The following PDGFC variants were observed in gnomAD, a reference collection of about 807,000 sequenced individuals.
PDGFC encodes platelet derived growth factor C, also known as platelet-derived growth factor C.
PDGFC carries 12 observed loss-of-function variants against 35.5 expected under a neutral mutation model. The observed-to-expected ratio is 0.34, with a 90% CI of 0.22 to 0.55. The LOEUF is 0.55. Among genes scored for constraint, PDGFC ranks in the 20% least tolerant of loss-of-function variants. The pLI is 0.91. For missense variants in PDGFC, 322 were observed against 412.4 expected (o/e 0.78, Z 1.90); for synonymous variants, 159 against 148.8 (o/e 1.07, Z -0.50).
At chr4:156,769,161 A>T (rs1730624467) in intron 4 of PDGFC, among the ~76,000 whole-genome samples, 1 of 151,794 alleles carries the variant, frequency 6.6e-6, no homozygotes, top group Admixed American at 6.6e-5. Flanking sequence ...CTACTTAAAT[A>T]CCTTTCCACT....
chr4:156,868,711 T>C (rs1413891978), intron 1 of PDGFC, among the ~76,000 whole-genome samples: 1 of 152,212 alleles, frequency 6.6e-6, no homozygotes, highest in Non-Finnish European at 1.5e-5. Flanking sequence ...GACCTTTTAA[T>C]GGCTATATTT....
At chr4:156,853,875 A>G (rs1328399148) in intron 1 of PDGFC, among the ~76,000 whole-genome samples, 3 of 152,152 alleles carry the variant, frequency 2.0e-5, no homozygotes, top group Non-Finnish European at 4.4e-5. Context: ...AAGTGGAAGG[A>G]TCGCTTAAGC....
At chr4:156,765,715 A>G (rs1578994909) in intron 5 of PDGFC, among the ~76,000 whole-genome samples, 1 of 152,220 alleles carries the variant, frequency 6.6e-6, no homozygotes, top group Non-Finnish European at 1.5e-5. Flanking sequence ...ATATTTTACT[A>G]TTGTCAGAGT....
intron 3 of PDGFC, among the ~76,000 whole-genome samples, chr4:156,783,049 A>G (rs943426051): frequency 6.6e-6 from 1 of 152,222 alleles, no homozygotes; most frequent in Non-Finnish European, 1.5e-5. Context: ...AGAAGAGATC[A>G]AAGTTAATCT....
At chr4:156,775,931 C>A (rs1730816305) in intron 3 of PDGFC, among the ~76,000 whole-genome samples, 1 of 152,140 alleles carries the variant, frequency 6.6e-6, no homozygotes, top group Non-Finnish European at 1.5e-5. Flanking sequence ...AACATAAGTT[C>A]CCAGGATTCA....
intron 1 of PDGFC, 44 bp downstream of exon 1, chr4:156,970,742 A>G: frequency 1.6e-6 from 2 of 1,225,500 alleles, no homozygotes; most frequent in Non-Finnish European, 2.4e-6. Context: ...ACGTTAACAC[A>G]CACAGCGAGA....
chr4:156,876,710 T>G (rs1248451684), intron 1 of PDGFC: 1 of 152,196 alleles, frequency 6.6e-6, no homozygotes, highest in African/African-American at 2.4e-5. Context: ...AGTCTCTTCT[T>G]CATAATATAG....
chr4:156,944,103 G>A (rs1049654645), intron 1 of PDGFC, among the ~76,000 whole-genome samples: 10 of 152,130 alleles, frequency 6.6e-5, no homozygotes, highest in African/African-American at 1.7e-4. Context: ...GCACTGTAAC[G>A]ATTAAAGGCA....
chr4:156,850,141 A>T, intron 2 of PDGFC, 80 bp downstream of exon 2: 1 of 696,892 alleles, frequency 1.4e-6, no homozygotes, highest in Non-Finnish European at 2.3e-6. Flanking sequence ...TGTCATTTAA[A>T]ATCAGATCAT....
rs917255748 is a variant in PDGFC, at chr4:156,971,446, C to G, written c.-543G>C. 5.2e-5 allele frequency: 18 copies of G among 344,042 alleles called. No homozygotes were observed. Among genetic ancestry groups the G allele is most frequent in the African/African-American group, 4.3e-5 (2 of 46,514 alleles). 21.3% of individuals were successfully genotyped at this position (344,042 alleles called of 1,614,324 possible). On this transcript the variant is annotated 5_prime_UTR_variant, in exon 1 of 6. Coordinates refer to ENST00000502773, the MANE Select transcript of PDGFC (RefSeq NM_016205.3). The stretch of plus-strand genomic sequence containing the variant: ...CCCCCGAAGGGGGAGGGGGAAGAAA[C>G]AAGGCGAGGGCGCCGCGGCGGGTCC...
chr4:156,915,476 C>G (rs1161590455), intron 1 of PDGFC, among the ~76,000 whole-genome samples: 2 of 152,212 alleles, frequency 1.3e-5, no homozygotes, highest in African/African-American at 4.8e-5. Flanking sequence ...AAGGAACCCA[C>G]TGAACTCTGT....
intron 1 of PDGFC, among the ~76,000 whole-genome samples, chr4:156,903,133 A>G (rs1387001060): frequency 9.1e-6 from 1 of 109,564 alleles, no homozygotes; most frequent in Non-Finnish European, 1.9e-5. Context: ...GTGTGTGTGT[A>G]TAAACTAGAT....
rs75083447 is a variant in PDGFC, at chr4:156,929,999, A to G, written c.118+40787T>C. On this transcript the variant is annotated intron_variant, in intron 1 of 5. Transcript: ENST00000502773. Reference sequence around the variant, plus strand: ...ATGTTACAACACCAAATGGGTTGCCATTCAATTCTGGATTTAAGCTAAATG... The same window carrying G: ...ATGTTACAACACCAAATGGGTTGCCGTTCAATTCTGGATTTAAGCTAAATG... 6.6e-3 allele frequency among the ~76,000 whole-genome samples: 1,010 copies of G among 152,314 alleles called. 17 individuals are homozygous for G. The highest frequency in any genetic ancestry group is 0.023 in the African/African-American group (966 of 41,576).
At chr4:156,892,182 CA>C (rs1047049157) in intron 1 of PDGFC, among the ~76,000 whole-genome samples, 1 of 152,094 alleles carries the variant, frequency 6.6e-6, no homozygotes, top group African/African-American at 2.4e-5. Flanking sequence ...CCTCATAAAA[CA>C]AATAAAAAGT....
chr4:156,859,757 T>C (rs10517655), intron 1 of PDGFC, among the ~76,000 whole-genome samples: 16,368 of 152,034 alleles, frequency 0.11, 1,177 homozygotes, highest in South Asian at 0.44. Context: ...TAAGAAAGCT[T>C]GGATAGTTTG....
At chr4:156,789,921 G>A (rs1424491181) in intron 3 of PDGFC, among the ~76,000 whole-genome samples, 2 of 145,778 alleles carry the variant, frequency 1.4e-5, no homozygotes. Flanking sequence ...AGCTTGCAGT[G>A]AGCCGAGATC....
At chr4:156,837,075 C>T (rs546848254) in intron 2 of PDGFC, among the ~76,000 whole-genome samples, 1 of 151,888 alleles carries the variant, frequency 6.6e-6, no homozygotes, top group Admixed American at 6.6e-5. Flanking sequence ...TATTTGAAAG[C>T]TCATATAGGA....
intron 3 of PDGFC, among the ~76,000 whole-genome samples, chr4:156,801,433 C>A (rs1328372645): frequency 6.6e-6 from 1 of 152,092 alleles, no homozygotes; most frequent in Non-Finnish European, 1.5e-5. Context: ...CAAAAAGAGC[C>A]CCCTGGAGGG....
chr4:156,782,308 C>G (rs1183492758), intron 3 of PDGFC, among the ~76,000 whole-genome samples: 1 of 152,072 alleles, frequency 6.6e-6, no homozygotes, highest in African/African-American at 2.4e-5. Flanking sequence ...CCTATAAAAT[C>G]TTTATATGAA....
Sources: allele counts gnomAD v4.1 joint callset (sites outside exome capture counted in the v4.1 genomes callset), GRCh38; gene constraint gnomAD v4.1.1; transcripts MANE v1.5; gene names NCBI Gene and HGNC (gene_info 2026-07-23, HGNC 2026-07-21).